Variants in BICD1 observed in about 807,000 individuals in gnomAD.
BICD1 encodes the protein protein bicaudal D homolog 1.
Under a neutral mutation model 92.5 loss-of-function variants are expected in BICD1, and 35 were observed. That is an observed-to-expected ratio of 0.38 (90% CI 0.29 to 0.50). The LOEUF (loss-of-function observed/expected upper bound fraction) is 0.50, where lower values mean the gene tolerates loss of function less well. BICD1 is among the 20% of genes least tolerant of loss of function. The pLI is 0.93. For missense variants in BICD1, 950 were observed against 1,189.8 expected (o/e 0.80, Z 2.97); for synonymous variants, 429 against 465.1 (o/e 0.92, Z 1.00).
At chr12:32,163,442 A>G (rs931899023) in intron 1 of BICD1, among the ~76,000 whole-genome samples, 3 of 152,174 alleles carry the variant, frequency 2.0e-5, no homozygotes, top group African/African-American at 7.2e-5. Flanking sequence ...TAAATCACCT[A>G]TAATCCCACT....
chr12:32,107,093 T>C lies in BICD1; in HGVS notation c.-239T>C. 1 of 512,968 alleles carries C rather than the reference T, an allele frequency of 1.9e-6. No homozygotes were observed. Among genetic ancestry groups the C allele is most frequent in the Non-Finnish European group, 3.5e-6 (1 of 286,008 alleles). 31.8% of individuals were successfully genotyped at this position (512,968 alleles called of 1,614,324 possible). A position where few individuals can be genotyped will look rare whatever the true frequency, so the allele number is the denominator to read the frequency against. On this transcript the variant is annotated 5_prime_UTR_variant, in exon 1 of 10. Coordinates refer to ENST00000652176, the MANE Select transcript of BICD1 (RefSeq NM_001714.4). Reference sequence around the variant, plus strand: ...GCCCCGAGGACACATGCGGCGGCCTTTGCCGCCTCGCCCCTGACCCTCTGC... The same window carrying C: ...GCCCCGAGGACACATGCGGCGGCCTCTGCCGCCTCGCCCCTGACCCTCTGC...
chr12:32,260,465 A>C (rs1160726013), intron 2 of BICD1, among the ~76,000 whole-genome samples: 1 of 152,180 alleles, frequency 6.6e-6, no homozygotes, highest in African/African-American at 2.4e-5. Flanking sequence ...ACAATAAACA[A>C]TACATTTTAC....
intron 5 of BICD1, among the ~76,000 whole-genome samples, chr12:32,330,859 G>A (rs1424267575): frequency 6.6e-6 from 1 of 152,180 alleles, no homozygotes; most frequent in East Asian, 1.9e-4. Flanking sequence ...TTAGGTCTGG[G>A]CGCAATGGCT....
intron 3 of BICD1, among the ~76,000 whole-genome samples, chr12:32,299,807 G>A (rs541501365): frequency 7.2e-5 from 11 of 152,272 alleles, no homozygotes; most frequent in East Asian, 5.8e-4. Flanking sequence ...GCAAGAGATC[G>A]GGTCTTACAG....
intron 1 of BICD1, among the ~76,000 whole-genome samples, chr12:32,147,110 T>C (rs1318703690): frequency 2.0e-5 from 3 of 151,902 alleles, no homozygotes; most frequent in East Asian, 3.9e-4. Flanking sequence ...CCAGCTAATG[T>C]TTTAATTTTT....
chr12:32,154,631 A>G (rs1205303032), intron 1 of BICD1, among the ~76,000 whole-genome samples: 6 of 152,196 alleles, frequency 3.9e-5, no homozygotes, highest in African/African-American at 1.2e-4. Flanking sequence ...TTTTCCACCA[A>G]GCATTCCCAA....
intron 1 of BICD1, among the ~76,000 whole-genome samples, chr12:32,124,247 A>G (rs1217526804): frequency 6.6e-6 from 1 of 152,236 alleles, no homozygotes; most frequent in East Asian, 1.9e-4. Context: ...TGCAGGCTAT[A>G]CAAAAATTAG....
chr12:32,226,450 A>T (rs1324599225), intron 2 of BICD1, among the ~76,000 whole-genome samples: 1 of 152,202 alleles, frequency 6.6e-6, no homozygotes, highest in Non-Finnish European at 1.5e-5. Flanking sequence ...TAAATTTTAT[A>T]TTAATATATT....
intron 1 of BICD1, among the ~76,000 whole-genome samples, chr12:32,174,578 A>G (rs1223642361): frequency 2.0e-5 from 3 of 152,120 alleles, no homozygotes; most frequent in African/African-American, 2.4e-5. Context: ...TTGTGTCAGC[A>G]TAATCAAACT....
At chr12:32,155,034 C>T (rs968249796) in intron 1 of BICD1, among the ~76,000 whole-genome samples, 3 of 150,754 alleles carry the variant, frequency 2.0e-5, no homozygotes, top group African/African-American at 7.4e-5. Flanking sequence ...TGAAGTGCTG[C>T]TTTTTTTTTT....
chr12:32,374,649 C>T lies in BICD1; in HGVS notation c.2841-2891C>T, dbSNP rs1226411321. On this transcript the variant is annotated intron_variant, in intron 9 of 9. Transcript: ENST00000652176. Reference sequence around the variant, plus strand: ...ATGGCGTGATCTCAGCTCACCGCAACGTCTGCCTCCCGGGTTCAAGCGATT... The same window carrying T: ...ATGGCGTGATCTCAGCTCACCGCAATGTCTGCCTCCCGGGTTCAAGCGATT... Among the ~76,000 whole-genome samples, 4 of 145,826 alleles carry T rather than the reference C, an allele frequency of 2.7e-5. No individual in the cohort carries two copies. The Admixed American group carries it at 2.8e-4, about 10-fold the overall frequency.
intron 2 of BICD1, among the ~76,000 whole-genome samples, chr12:32,267,949 G>A (rs1415171346): frequency 6.6e-6 from 1 of 151,726 alleles, no homozygotes. Context: ...ACAGGCATGG[G>A]CCATCACTTC....
intron 2 of BICD1, among the ~76,000 whole-genome samples, chr12:32,268,728 G>A (rs920953564): frequency 5.3e-5 from 8 of 152,096 alleles, no homozygotes; most frequent in African/African-American, 7.2e-5. Flanking sequence ...CCCAGGAGGC[G>A]GAGGTTGCAG....
chr12:32,210,967 G>A (rs918479550), intron 1 of BICD1, among the ~76,000 whole-genome samples: 3 of 152,196 alleles, frequency 2.0e-5, no homozygotes, highest in African/African-American at 4.8e-5. Flanking sequence ...GGAGCCAGAC[G>A]AGTCGGGTAA....
At chr12:32,245,861 C>T (rs1422464520) in intron 2 of BICD1, among the ~76,000 whole-genome samples, 1 of 151,450 alleles carries the variant, frequency 6.6e-6, no homozygotes, top group Non-Finnish European at 1.5e-5. Flanking sequence ...GAAACCCCTT[C>T]TCTACTAAAA....
chr12:32,336,576 C>T (rs1371122065), intron 6 of BICD1, among the ~76,000 whole-genome samples: 1 of 152,074 alleles, frequency 6.6e-6, no homozygotes, highest in Non-Finnish European at 1.5e-5. Flanking sequence ...TAAACTAAAA[C>T]GTATAAATAT....
chr12:32,238,944 CAAAAAAA>C (rs111403291), intron 2 of BICD1, among the ~76,000 whole-genome samples: 2,375 of 70,562 alleles, frequency 0.034, 81 homozygotes, highest in African/African-American at 0.096. Context: ...AACTCTGTCT[CAAAAAAA>C]AAAAAAAAAA....
intron 1 of BICD1, among the ~76,000 whole-genome samples, chr12:32,196,530 A>G (rs946257304): frequency 6.6e-6 from 1 of 152,244 alleles, no homozygotes. Flanking sequence ...AGCCAAACAC[A>G]GCAAGACAAA....
In BICD1 at chr12:32,255,577, C is replaced by T. The variant is rs1342270733; in HGVS notation, c.427-38417C>T. Reference sequence around the variant, plus strand: ...TGATGAGGCATGGAACTTGGAGAAACCACCCAAAGTTTCTACCATGTTCTG... The same window carrying T: ...TGATGAGGCATGGAACTTGGAGAAATCACCCAAAGTTTCTACCATGTTCTG... On this transcript the variant is annotated intron_variant, in intron 2 of 9. Coordinates refer to ENST00000652176, the MANE Select transcript of BICD1 (RefSeq NM_001714.4). Among the ~76,000 whole-genome samples, 7 of 152,214 alleles carry T rather than the reference C, an allele frequency of 4.6e-5. No individual in the cohort carries two copies. The East Asian group carries it at 1.3e-3, about 29-fold the overall frequency.
Sources: allele counts gnomAD v4.1 joint callset (sites outside exome capture counted in the v4.1 genomes callset), GRCh38; gene constraint gnomAD v4.1.1; transcripts MANE v1.5; gene names NCBI Gene and HGNC (gene_info 2026-07-23, HGNC 2026-07-21).